The following KCNK10 variants were observed in gnomAD, a reference collection of about 807,000 sequenced individuals.
KCNK10 encodes the protein potassium two pore domain channel subfamily K member 10.
Under a neutral mutation model 47.7 loss-of-function variants are expected in KCNK10, and 25 were observed. The ratio of observed to expected loss-of-function variants is 0.52; its 90% CI spans 0.38 to 0.73. The LOEUF (loss-of-function observed/expected upper bound fraction) is 0.73. KCNK10 is among the 30% of genes least tolerant of loss of function. The pLI is 0.00. For missense variants in KCNK10, 563 were observed against 714.5 expected, an observed-to-expected ratio of 0.79 and a Z score of 2.42; for synonymous variants, 303 against 285.6, an observed-to-expected ratio of 1.06 and a Z score of -0.61.
chr14:88,205,542 C>CTTTTTTTT (rs200265659), intron 4 of KCNK10, among the ~76,000 whole-genome samples: 36 of 115,768 alleles, frequency 3.1e-4, no homozygotes, highest in African/African-American at 8.5e-4. Flanking sequence ...CTTTTCTTTT[C>CTTTTTTTT]TTTTTTTTTT....
chr14:88,301,106 C>A (rs1888083409), intron 1 of KCNK10, among the ~76,000 whole-genome samples: 1 of 152,188 alleles, frequency 6.6e-6, no homozygotes, highest in Admixed American at 6.5e-5. Flanking sequence ...TGACTGACCT[C>A]CCTAAGTCTC....
At chr14:88,304,554 T>C (rs1888169121) in intron 1 of KCNK10, among the ~76,000 whole-genome samples, 1 of 152,222 alleles carries the variant, frequency 6.6e-6, no homozygotes, top group Non-Finnish European at 1.5e-5. Context: ...TGTCCTCAGC[T>C]GAGGTTGAAC....
chr14:88,216,941 G>A lies in KCNK10; in HGVS notation c.681+10434C>T, dbSNP rs543762721. Among the ~76,000 whole-genome samples the A allele has an allele frequency of 1.6e-3, 246 of 152,288 alleles. 1 individual carries two copies. The highest frequency in any genetic ancestry group is 5.7e-3 in the African/African-American group (238 of 41,552). On this transcript the variant is annotated intron_variant, in intron 4 of 6. Coordinates refer to ENST00000319231, the MANE Select transcript of KCNK10 (RefSeq NM_138317.3). ...GGAGGCCAAGGTGGGCAGATCACGA[G>A]GTAAGGAGTTCGAGACCAGCCTGGC...
At chr14:88,199,603 T>A (rs1453828854) in intron 4 of KCNK10, among the ~76,000 whole-genome samples, 1 of 152,186 alleles carries the variant, frequency 6.6e-6, no homozygotes, top group African/African-American at 2.4e-5. Context: ...CGCTGGCTCC[T>A]CTAGGAACAC....
At chr14:88,270,999 G>T in intron 1 of KCNK10, 1 of 601,894 alleles carries the variant, frequency 1.7e-6, no homozygotes, top group Non-Finnish European at 3.0e-6. Context: ...CTTTGCCCCA[G>T]CCAAACCCAG....
At chr14:88,261,980 T>C (rs1466986611) in intron 2 of KCNK10, among the ~76,000 whole-genome samples, 2 of 152,212 alleles carry the variant, frequency 1.3e-5, no homozygotes, top group Non-Finnish European at 2.9e-5. Flanking sequence ...GACAAGAATA[T>C]GATTGCTATG....
intron 4 of KCNK10, among the ~76,000 whole-genome samples, chr14:88,216,315 T>A (rs1453154935): frequency 1.3e-5 from 2 of 152,170 alleles, no homozygotes; most frequent in Non-Finnish European, 2.9e-5. Flanking sequence ...CACCTGGTAG[T>A]CTTTGGGGCA....
At chr14:88,309,875 C>CA (rs1230526098) in intron 1 of KCNK10, among the ~76,000 whole-genome samples, 1 of 151,970 alleles carries the variant, frequency 6.6e-6, no homozygotes, top group Non-Finnish European at 1.5e-5. Context: ...AACATTTGCA[C>CA]AAATGAAAAG....
chr14:88,265,656 C>T (rs1887232296), intron 1 of KCNK10, among the ~76,000 whole-genome samples: 1 of 152,144 alleles, frequency 6.6e-6, no homozygotes, highest in African/African-American at 2.4e-5. Context: ...TGGCTGTGTC[C>T]CCACCCAAAT....
Position 88,260,824 on chromosome 14 carries a change from A to C in KCNK10, c.402+2378T>G, listed in dbSNP as rs575505832. ...TAAATGCACACACGTGTGTATGTGC[A>C]AACACATTCACACAAACGCACACAT... On this transcript the variant is annotated intron_variant, in intron 2 of 6. Transcript: ENST00000319231. This position sits in a 1 kb window ranked among gnomAD's most constrained non-coding sequence, Gnocchi z 4.5. Among the ~76,000 whole-genome samples, 1 of 152,362 alleles carries C rather than the reference A, an allele frequency of 6.6e-6. No homozygotes were observed. The highest frequency in any genetic ancestry group is 2.4e-5 in the African/African-American group (1 of 41,592).
intron 4 of KCNK10, among the ~76,000 whole-genome samples, chr14:88,208,122 C>T (rs1429457504): frequency 1.3e-5 from 2 of 152,208 alleles, no homozygotes; most frequent in African/African-American, 2.4e-5. Flanking sequence ...CATTTTGACC[C>T]ATATAATCTT....
chr14:88,220,241 C>T (rs1885755883), intron 4 of KCNK10, among the ~76,000 whole-genome samples: 1 of 150,686 alleles, frequency 6.6e-6, no homozygotes, highest in African/African-American at 2.4e-5. Flanking sequence ...AACGGTGAAA[C>T]CCCGTCTCTA....
intron 1 of KCNK10, among the ~76,000 whole-genome samples, chr14:88,292,154 G>T (rs1270736588): frequency 6.6e-6 from 1 of 152,164 alleles, no homozygotes; most frequent in Non-Finnish European, 1.5e-5. Context: ...AAACACCCTT[G>T]CTTTCTAGTC....
intron 1 of KCNK10, among the ~76,000 whole-genome samples, chr14:88,316,741 C>T (rs908944306): frequency 1.6e-4 from 24 of 152,196 alleles, no homozygotes; most frequent in African/African-American, 5.8e-4. Context: ...CTGAAACTTC[C>T]TAACTGGCTA....
Position 88,188,125 on chromosome 14 carries a change from T to G in KCNK10, c.869-16A>C, listed in dbSNP as rs767388100. ...GCGTTTCCCCCTGAAAACAACCAAA[T>G]GTTACTTTAACCATGATCTAGCATA... On this transcript the variant is annotated splice_polypyrimidine_tract_variant and intron_variant, in intron 5 of 6. Coordinates refer to ENST00000319231, the MANE Select transcript of KCNK10 (RefSeq NM_138317.3). The G allele has an allele frequency of 1.7e-5, 28 of 1,613,842 alleles. No homozygotes were observed. The highest frequency in any genetic ancestry group is 2.4e-5 in the Non-Finnish European group (28 of 1,179,854).
chr14:88,263,352 C>G lies in KCNK10; in HGVS notation c.252G>C (p.Val84=), dbSNP rs780831137. Residue 84 remains valine, a synonymous_variant, in exon 2 of 7, where the codon GTG becomes GTC. Transcript: ENST00000319231. ...WKTVVAIFVV[V]VVYLVTGGLV... is the part of the protein sequence containing the mutation. ...GACCGCCAGTGACAAGGTAGACCAC[C>G]ACAACCACAAAGATGGCAACCACCG... 23 of 1,613,892 alleles carry G rather than the reference C, an allele frequency of 1.4e-5. 1 individual carries two copies. In the South Asian group the frequency reaches 2.5e-4, roughly 18 times the overall value.
chr14:88,223,710 G>C (rs1376777857), intron 4 of KCNK10, among the ~76,000 whole-genome samples: 1 of 152,114 alleles, frequency 6.6e-6, no homozygotes, highest in Non-Finnish European at 1.5e-5. Flanking sequence ...AGGCGTTTTT[G>C]TTTGTTTGTT....
intron 4 of KCNK10, among the ~76,000 whole-genome samples, chr14:88,211,624 G>A (rs1459365234): frequency 2.0e-5 from 3 of 152,136 alleles, no homozygotes; most frequent in South Asian, 2.1e-4. Context: ...CTGGCCAGGC[G>A]CGGTGGCTCA....
rs58562095 is a variant in KCNK10, at chr14:88,220,416, C to CAAAAAAAAAA, written c.681+6949_681+6958dup. Among the ~76,000 whole-genome samples, 8 of 30,160 alleles carry CAAAAAAAAAA rather than the reference C, an allele frequency of 2.7e-4. 1 individual carries two copies. Among genetic ancestry groups the CAAAAAAAAAA allele is most frequent in the African/African-American group, 4.4e-4 (3 of 6,774 alleles). 19.8% of individuals were successfully genotyped at this position (30,160 alleles called of 152,430 possible). A position where few individuals can be genotyped will look rare whatever the true frequency, so the allele number is the denominator to read the frequency against. The stretch of plus-strand genomic sequence containing the variant: ...TGGGCGACAGAGCGAGACTCCGTCT[C>CAAAAAAAAAA]AAAAAAAAAAAAAAAAAAAAAAAAA... On this transcript the variant is annotated intron_variant, in intron 4 of 6. Coordinates refer to ENST00000319231, the MANE Select transcript of KCNK10 (RefSeq NM_138317.3).
Sources: allele counts gnomAD v4.1 joint callset (sites outside exome capture counted in the v4.1 genomes callset), GRCh38; gene constraint gnomAD v4.1.1; non-coding constraint Gnocchi (gnomAD v3.1); transcripts MANE v1.5; gene names NCBI Gene and HGNC (gene_info 2026-07-23, HGNC 2026-07-21).